The following PCDHGB5 variants were observed in gnomAD, a reference collection of about 807,000 sequenced individuals.
PCDHGB5 encodes protocadherin gamma-B5.
A neutral mutation model predicts 62.9 loss-of-function variants in PCDHGB5; 48 were observed. That is an observed-to-expected ratio of 0.76 (90% CI 0.61 to 0.97). The LOEUF (loss-of-function observed/expected upper bound fraction) is 0.97, where lower values mean the gene tolerates loss of function less well. Among genes scored for constraint, PCDHGB5 ranks in the 50% least tolerant of loss-of-function variants. The pLI, the probability that PCDHGB5 is intolerant of heterozygous loss-of-function variation, is 0.00. For missense variants in PCDHGB5, 1,118 were observed against 1,198.6 expected (o/e 0.93, Z 0.99); for synonymous variants, 474 against 511.2 (o/e 0.93, Z 0.98).
chr5:141,419,853 C>A lies in PCDHGB5; in HGVS notation c.2397+19329C>A, dbSNP rs1327953878. The A allele has an allele frequency of 1.9e-6, 3 of 1,614,072 alleles. No homozygotes were observed. In the Admixed American group the frequency reaches 5.0e-5, roughly 27 times the overall value. The stretch of plus-strand genomic sequence containing the variant: ...ACTGCCACGCTGCACCTGGTGTTCG[C>A]AGATAGCTTGCAAGAGGTACTGCCG... On this transcript the variant is annotated intron_variant, in intron 1 of 3. Transcript: ENST00000617380.
Position 141,430,658 on chromosome 5 carries a change from G to A in PCDHGB5, c.2397+30134G>A, listed in dbSNP as rs1350572230. ...CCTGGGAGTATGTGGAAACAACGGA[G>A]GAGCTCTGACTTCCCAACTGTCCCA... On this transcript the variant is annotated intron_variant, in intron 1 of 3. Coordinates refer to ENST00000617380, the MANE Select transcript of PCDHGB5 (RefSeq NM_018925.3). The A allele has an allele frequency of 7.2e-6, 8 of 1,105,688 alleles. No individual in the cohort carries two copies. The African/African-American group carries it at 9.5e-5, about 13-fold the overall frequency. The allele number at this position is 1,105,688 out of a possible 1,614,324, so 68.5% of individuals were successfully genotyped here. A position where few individuals can be genotyped will look rare whatever the true frequency, so the allele number is the denominator to read the frequency against.
rs36031641 is a variant in PCDHGB5 at position 141,434,771 on chromosome 5, T to TA, written c.2397+34260dup. ...CCCCTGATTCCCCACTTCACACTTCTAAAAAAAAAAAAATTTTTTTTTCTG... is the reference window on the plus strand; with the variant it reads ...CCCCTGATTCCCCACTTCACACTTCTAAAAAAAAAAAAAATTTTTTTTTCTG... On this transcript the variant is annotated intron_variant, in intron 1 of 3. Coordinates refer to ENST00000617380, the MANE Select transcript of PCDHGB5 (RefSeq NM_018925.3). Among the ~76,000 whole-genome samples, 71 of 145,288 alleles carry TA rather than the reference T, an allele frequency of 4.9e-4. 1 individual carries two copies. The highest frequency in any genetic ancestry group is 3.6e-3 in the Middle Eastern group (1 of 278).
At chr5:141,405,145 G>T (rs772542898) in intron 1 of PCDHGB5, 1 of 1,614,070 alleles carries the variant, frequency 6.2e-7, no homozygotes, top group Non-Finnish European at 8.5e-7. Context: ...CCAGTGATGG[G>T]TTGGCTGGTG....
At chr5:141,500,184 T>A (rs889800014) in intron 2 of PCDHGB5, among the ~76,000 whole-genome samples, 89 of 135,966 alleles carry the variant, frequency 6.5e-4, no homozygotes, top group African/African-American at 2.4e-3. Flanking sequence ...TCATTTTTAT[T>A]TTTATTTATT....
At chr5:141,412,145 C>T (rs1335929166) in intron 1 of PCDHGB5, 1 of 152,210 alleles carries the variant, frequency 6.6e-6, no homozygotes, top group East Asian at 1.9e-4. Context: ...CTGATACAAA[C>T]TGCCTAAGAG....
Position 141,408,177 on chromosome 5 carries a change from G to A in PCDHGB5, c.2397+7653G>A, listed in dbSNP as rs1359754385. 7.2e-6 allele frequency: 11 copies of A among 1,534,346 alleles called. 1 individual carries two copies. In the South Asian group the frequency reaches 1.3e-4, roughly 19 times the overall value. ...GCACTTTCTCCAACTGGAAAAGCGGGGACCCAGCGAGAACCCGAGCGAACG... is the reference window on the plus strand; with the variant it reads ...GCACTTTCTCCAACTGGAAAAGCGGAGACCCAGCGAGAACCCGAGCGAACG... On this transcript the variant is annotated intron_variant, in intron 1 of 3. Transcript: ENST00000617380.
rs1026815375 is a variant in PCDHGB5, at chr5:141,481,045, G to A, written c.2398-13762G>A. 4.6e-5 allele frequency among the ~76,000 whole-genome samples: 7 copies of A among 152,024 alleles called. No individual in the cohort carries two copies. In the South Asian group the frequency reaches 8.3e-4, roughly 18 times the overall value. ...TGCACTCCAGCCTGGGCGACAGAGCGAGACTCCACCTCAAAAACAAAAAGA... is the reference window on the plus strand; with the variant it reads ...TGCACTCCAGCCTGGGCGACAGAGCAAGACTCCACCTCAAAAACAAAAAGA... On this transcript the variant is annotated intron_variant, in intron 1 of 3. Coordinates refer to ENST00000617380, the MANE Select transcript of PCDHGB5 (RefSeq NM_018925.3).
rs569362520 is a variant in PCDHGB5 at position 141,415,063 on chromosome 5, G to T, written c.2397+14539G>T. ...CGCGGTGGGGGAGCACACGGGCGAG[G>T]TGCGCACGGCGCGAGCCCTGCTGGA... On this transcript the variant is annotated intron_variant, in intron 1 of 3. Coordinates refer to ENST00000617380, the MANE Select transcript of PCDHGB5 (RefSeq NM_018925.3). The T allele has an allele frequency of 3.1e-6, 5 of 1,613,432 alleles. No individual in the cohort carries two copies. The highest frequency in any genetic ancestry group is 3.3e-5 in the Admixed American group (2 of 60,008).
rs2095763034 is a variant in PCDHGB5, at chr5:141,414,586, A to G, written c.2397+14062A>G. 1.2e-6 allele frequency: 2 copies of G among 1,613,964 alleles called. No individual in the cohort carries two copies. The highest frequency in any genetic ancestry group is 8.5e-7 in the Non-Finnish European group (1 of 1,179,880). On this transcript the variant is annotated intron_variant, in intron 1 of 3. Transcript: ENST00000617380. ...TACCTATATCCCAGAGAACAACGCC[A>G]GGGGTGCCTCCATCTTCTCAGTGAC...
At chr5:141,422,168 G>T in intron 1 of PCDHGB5, 2 of 1,563,582 alleles carry the variant, frequency 1.3e-6, no homozygotes, top group Non-Finnish European at 1.7e-6. Context: ...GAAAAATATA[G>T]ATTCTATGAG....
In PCDHGB5 at chr5:141,404,211, T is replaced by C. The variant is rs1423741415; in HGVS notation, c.2397+3687T>C. ...CGAGAAAAAGCCTCAGAATATAATATCACGGTGACTGCAACAGACAGAGGA... is the reference window on the plus strand; with the variant it reads ...CGAGAAAAAGCCTCAGAATATAATACCACGGTGACTGCAACAGACAGAGGA... On this transcript the variant is annotated intron_variant, in intron 1 of 3. Coordinates refer to ENST00000617380, the MANE Select transcript of PCDHGB5 (RefSeq NM_018925.3). 3 of 1,613,606 alleles carry C rather than the reference T, an allele frequency of 1.9e-6. No homozygotes were observed. The Admixed American group carries it at 5.0e-5, about 27-fold the overall frequency.
Position 141,491,103 on chromosome 5 carries a change from G to C in PCDHGB5, c.2398-3704G>C. 1 of 1,614,162 alleles carries C rather than the reference G, an allele frequency of 6.2e-7. No individual in the cohort carries two copies. Among genetic ancestry groups the C allele is most frequent in the South Asian group, 1.1e-5 (1 of 91,082 alleles). On this transcript the variant is annotated intron_variant, in intron 1 of 3. Transcript: ENST00000617380. The surrounding 1 kb of genome is among the most constrained non-coding windows in gnomAD (Gnocchi z 6.9). ...CCACAGCCCCAGGACTGTTCCTCGT[G>C]TCTACACACACTGGTGAGGTGCGCA... is the stretch of plus-strand genomic sequence containing the variant.
chr5:141,477,010 C>G lies in PCDHGB5; in HGVS notation c.2398-17797C>G. On this transcript the variant is annotated intron_variant, in intron 1 of 3. Coordinates refer to ENST00000617380, the MANE Select transcript of PCDHGB5 (RefSeq NM_018925.3). This position sits in a 1 kb window ranked among gnomAD's most constrained non-coding sequence, Gnocchi z 4.9. ...GCGTGCGGCAACTATTCGCCTTAGA[C>G]CTTGTAACCGGGATGCTGACAATCA... 4 of 1,614,260 alleles carry G rather than the reference C, an allele frequency of 2.5e-6. No homozygotes were observed. Among genetic ancestry groups the G allele is most frequent in the Non-Finnish European group, 2.5e-6 (3 of 1,180,052 alleles).
Position 141,501,940 on chromosome 5 carries a change from C to T in PCDHGB5, c.2457-3453C>T, listed in dbSNP as rs565207980. Among the ~76,000 whole-genome samples the T allele has an allele frequency of 2.6e-5, 4 of 152,250 alleles. No individual in the cohort carries two copies. In the East Asian group the frequency reaches 7.7e-4, roughly 29 times the overall value. On this transcript the variant is annotated intron_variant, in intron 2 of 3. Transcript: ENST00000617380. ...CAGCTTTGTTCCCTCAACACCACTG[C>T]TCCCTGTGACAGGTCATCCTCCTAA...
At position 141,476,503 on chromosome 5, in the gene PCDHGB5, C is replaced by T. The variant is rs1259213742; in HGVS notation, c.2398-18304C>T. 2 of 1,614,138 alleles carry T rather than the reference C, an allele frequency of 1.2e-6. No individual in the cohort carries two copies. ...TGGAAGTGGTGATCCAGGACATCAA[C>T]GACAACAATCCTGCTTTCCCTACCC... On this transcript the variant is annotated intron_variant, in intron 1 of 3. Transcript: ENST00000617380. The surrounding 1 kb of genome is among the most constrained non-coding windows in gnomAD (Gnocchi z 7.6).
chr5:141,427,704 G>C (rs2097059746), intron 1 of PCDHGB5: 2 of 966,116 alleles, frequency 2.1e-6, no homozygotes, highest in Non-Finnish European at 3.2e-6. Context: ...ACAAGTCAGC[G>C]CCTCTGACCT....
chr5:141,476,083 T>C lies in PCDHGB5; in HGVS notation c.2398-18724T>C. 1 of 1,547,886 alleles carries C rather than the reference T, an allele frequency of 6.5e-7. No homozygotes were observed. The highest frequency in any genetic ancestry group is 8.7e-7 in the Non-Finnish European group (1 of 1,153,242). The stretch of plus-strand genomic sequence containing the variant: ...TCTCAGCGAAATCTCAGGGACGATC[T>C]GGACCCCGCTGAGAGGAACTGCTTT... On this transcript the variant is annotated intron_variant, in intron 1 of 3. Coordinates refer to ENST00000617380, the MANE Select transcript of PCDHGB5 (RefSeq NM_018925.3). This position sits in a 1 kb window ranked among gnomAD's most constrained non-coding sequence, Gnocchi z 7.6.
chr5:141,511,641 A>C lies in PCDHGB5; in HGVS notation c.*468A>C. On this transcript the variant is annotated 3_prime_UTR_variant, in exon 4 of 4. Transcript: ENST00000617380. ...TCTGAAAAGTTGGAAGGGCATCATG[A>C]CCTCTTGGCCTCTCCTTTGATTCTC... 1 of 224,930 alleles carries C rather than the reference A, an allele frequency of 4.4e-6. No homozygotes were observed. The allele number at this position is 224,930 out of a possible 1,614,324, so 13.9% of individuals were successfully genotyped here. A position where few individuals can be genotyped will look rare whatever the true frequency, so the allele number is the denominator to read the frequency against.
chr5:141,410,897 A>G (rs1276742953), intron 1 of PCDHGB5: 1 of 273,412 alleles, frequency 3.7e-6, no homozygotes, highest in African/African-American at 3.4e-5. Flanking sequence ...ACTGTTGCCT[A>G]GGCTGGAGTG....
Sources: gnomAD v4.1 joint callset for allele counts (sites outside exome capture counted in the v4.1 genomes callset) on GRCh38, gnomAD v4.1.1 for gene constraint, Gnocchi (gnomAD v3.1) non-coding constraint, MANE v1.5 for transcripts, NCBI Gene and HGNC (gene_info 2026-07-23, HGNC 2026-07-21) for gene names.